The following NDUFS1 variants were observed in gnomAD, a reference collection of about 807,000 sequenced individuals.
NDUFS1 encodes NADH:ubiquinone oxidoreductase core subunit S1.
NDUFS1 carries 61 observed loss-of-function variants against 84.4 expected under a neutral mutation model. That is an observed-to-expected ratio of 0.72 (90% CI 0.59 to 0.89). The LOEUF (loss-of-function observed/expected upper bound fraction) is 0.89, where lower values mean the gene tolerates loss of function less well. NDUFS1 is among the 40% of genes least tolerant of loss of function. The pLI, the probability that NDUFS1 is intolerant of heterozygous loss-of-function variation, is 0.00. For synonymous variants in NDUFS1, 275 were observed against 290.0 expected (o/e 0.95, Z 0.53); for missense variants, 891 against 890.0 (o/e 1.00, Z -0.01).
chr2:206,159,209 C>T (rs1687809822), intron 1 of NDUFS1, 132 bp downstream of exon 1: 1 of 1,481,856 alleles, frequency 6.7e-7, no homozygotes, highest in African/African-American at 1.4e-5. Flanking sequence ...GCTTCCGAGG[C>T]GGCGGGGCGG....
rs772420316 is a variant in NDUFS1 at position 206,153,690 on chromosome 2, T to C, written c.-4-8A>G. The C allele has an allele frequency of 2.9e-6, 4 of 1,394,310 alleles. No homozygotes were observed. Among genetic ancestry groups the C allele is most frequent in the Non-Finnish European group, 4.0e-6 (4 of 994,164 alleles). The allele number at this position is 1,394,310 out of a possible 1,614,324, so 86.4% of individuals were successfully genotyped here. A position where few individuals can be genotyped will look rare whatever the true frequency, so the allele number is the denominator to read the frequency against. On this transcript the variant is annotated splice_polypyrimidine_tract_variant and splice_region_variant and intron_variant, in intron 1 of 18. Transcript: ENST00000233190. ...GGTATCCTTAACATATTGCTAAAAA[T>C]AAAACAAAGAATTATATTATTGTAG...
In NDUFS1 at chr2:206,149,933, T is replaced by C. The variant is rs1382346424; in HGVS notation, c.154-8A>G. 9 of 602,020 alleles carry C rather than the reference T, an allele frequency of 1.5e-5. No homozygotes were observed. Among genetic ancestry groups the C allele is most frequent in the Non-Finnish European group, 2.4e-5 (9 of 378,596 alleles). The allele number at this position is 602,020 out of a possible 1,614,324, so 37.3% of individuals were successfully genotyped here. A position where few individuals can be genotyped will look rare whatever the true frequency, so the allele number is the denominator to read the frequency against. ...GCCAACCTTCTCACAAGCCTAGAAGTAAAAAAAAAAAAAAAAAAAAAAAAA... is the reference window on the plus strand; with the variant it reads ...GCCAACCTTCTCACAAGCCTAGAAGCAAAAAAAAAAAAAAAAAAAAAAAAA... On this transcript the variant is annotated splice_region_variant and splice_polypyrimidine_tract_variant and intron_variant, in intron 3 of 18. Transcript: ENST00000233190.
chr2:206,125,775 C>T (rs1691270506), intron 18 of NDUFS1, among the ~76,000 whole-genome samples: 2 of 151,942 alleles, frequency 1.3e-5, no homozygotes, highest in African/African-American at 4.8e-5. Flanking sequence ...GCCCAGTACC[C>T]AAGACTTATC....
Position 206,158,012 on chromosome 2 carries a change from G to A in NDUFS1, c.-5+1329C>T, listed in dbSNP as rs574028168. Among the ~76,000 whole-genome samples the A allele has an allele frequency of 4.3e-5, 6 of 141,128 alleles. No homozygotes were observed. The East Asian group carries it at 1.0e-3, about 24-fold the overall frequency. 92.6% of individuals were successfully genotyped at this position (141,128 alleles called of 152,430 possible). ...AGAGTCTCGCTCTGTCGCCCAGGCT[G>A]GAGTGCAGCGGAGCGATCTCGGCTC... On this transcript the variant is annotated intron_variant, in intron 1 of 18. Coordinates refer to ENST00000233190, the MANE Select transcript of NDUFS1 (RefSeq NM_005006.7).
chr2:206,132,242 ATCTG>A (rs1691541499), intron 14 of NDUFS1, among the ~76,000 whole-genome samples: 1 of 152,172 alleles, frequency 6.6e-6, no homozygotes, highest in Non-Finnish European at 1.5e-5. Context: ...TTCTGCACAT[ATCTG>A]TCTCTTTTCA....
In NDUFS1 at chr2:206,144,031, C is replaced by T. The variant is rs773632832; in HGVS notation, c.974G>A (p.Arg325His). ...TYTSWEDALSRVAGMLQSFQG... is the reference protein window; with the variant it reads ...TYTSWEDALSHVAGMLQSFQG... ...TTCAAATTTTACCATTCCAGCTACG[C>T]GAGAGAGCGCATCCTCCCAAGAAGT... Residue 325 changes from arginine (R) to histidine (H), a missense_variant, in exon 10 of 19, where the codon CGC (arginine) becomes CAC (histidine). Physicochemically the swap from Arg to His is conservative, Grantham distance 29 (BLOSUM62 0). Coordinates refer to ENST00000233190, the MANE Select transcript of NDUFS1 (RefSeq NM_005006.7). The T allele has an allele frequency of 2.7e-5, 43 of 1,609,748 alleles. No individual in the cohort carries two copies. The highest frequency in any genetic ancestry group is 3.3e-5 in the Admixed American group (2 of 59,996).
intron 7 of NDUFS1, 124 bp from the exon 8 acceptor site, chr2:206,147,212 G>T: frequency 1.0e-6 from 1 of 978,614 alleles, no homozygotes; most frequent in Non-Finnish European, 1.6e-6. Context: ...TTAAAGGTGA[G>T]CACAGTCCTA....
chr2:206,157,811 T>C (rs917664247), intron 1 of NDUFS1, among the ~76,000 whole-genome samples: 7 of 152,152 alleles, frequency 4.6e-5, no homozygotes, highest in Non-Finnish European at 8.8e-5. Context: ...TGTTAATGAC[T>C]AATCATTTCT....
chr2:206,150,032 T>TCTAC (rs1450721220), intron 3 of NDUFS1, 107 bp from the exon 4 acceptor site: 3 of 704,704 alleles, frequency 4.3e-6, no homozygotes, highest in Non-Finnish European at 7.4e-6. Context: ...CTTCTATCTA[T>TCTAC]CTATCTATCT....
chr2:206,122,173 C>T lies in NDUFS1; in HGVS notation c.*2012G>A, dbSNP rs1404566240. 1.3e-5 allele frequency: 2 copies of T among 152,066 alleles called. No homozygotes were observed. Among genetic ancestry groups the T allele is most frequent in the East Asian group, 1.9e-4 (1 of 5,136 alleles). 9.4% of individuals were successfully genotyped at this position (152,066 alleles called of 1,614,324 possible). A position where few individuals can be genotyped will look rare whatever the true frequency, so the allele number is the denominator to read the frequency against. On this transcript the variant is annotated 3_prime_UTR_variant, in exon 19 of 19. Coordinates refer to ENST00000233190, the MANE Select transcript of NDUFS1 (RefSeq NM_005006.7). ...ATTTTTTTGTACAAATAGGATCTTG[C>T]TATGCAGTCCAGGCTGGTCTTGAAC... is the stretch of plus-strand genomic sequence containing the variant.
chr2:206,137,071 T>A (rs1279369640), intron 13 of NDUFS1, among the ~76,000 whole-genome samples: 11 of 152,168 alleles, frequency 7.2e-5, no homozygotes, highest in Non-Finnish European at 1.6e-4. Context: ...AGTTTTTTAA[T>A]CACCTCCACC....
In NDUFS1 at chr2:206,122,385, T is replaced by G. The variant is rs186220792; in HGVS notation, c.*1800A>C. ...GGCTCACGCCTGTAATCCCAGCACT[T>G]TGGGAGGCCAAGGCAGGTAGATCAC... On this transcript the variant is annotated 3_prime_UTR_variant, in exon 19 of 19. Transcript: ENST00000233190. The G allele has an allele frequency of 1.3e-5, 2 of 151,838 alleles. No homozygotes were observed. Among genetic ancestry groups the G allele is most frequent in the African/African-American group, 2.4e-5 (1 of 41,416 alleles). 9.4% of individuals were successfully genotyped at this position (151,838 alleles called of 1,614,324 possible).
Position 206,138,574 on chromosome 2 carries a change from G to T in NDUFS1, c.1303C>A (p.Pro435Thr), listed in dbSNP as rs758964089. 6.2e-7 allele frequency: 1 copy of T among 1,613,938 alleles called. No individual in the cohort carries two copies. Among genetic ancestry groups the T allele is most frequent in the Non-Finnish European group, 8.5e-7 (1 of 1,179,862 alleles). ...NDLKVALIGS[P>T]VDLTYTYDHL... ...TCATATGTGTAAGTGAGGTCCACTG[G>T]ACTGCCTATAAGGGCCACTTTTAAG... is the stretch of plus-strand genomic sequence containing the variant. Residue 435 changes from proline to threonine, a missense_variant, in exon 13 of 19, where the codon CCA becomes ACA. Physicochemically the swap from Pro to Thr is conservative, Grantham distance 38. Coordinates refer to ENST00000233190, the MANE Select transcript of NDUFS1 (RefSeq NM_005006.7).
At chr2:206,133,449 T>C (rs1281486696) in intron 13 of NDUFS1, among the ~76,000 whole-genome samples, 2 of 152,214 alleles carry the variant, frequency 1.3e-5, no homozygotes, top group Non-Finnish European at 2.9e-5. Flanking sequence ...AGATGTTAAT[T>C]AAAGAATAGG....
chr2:206,115,005 A>G lies in NDUFS1; in HGVS notation c.*9180T>C, dbSNP rs1208674192. ...AAACATCTGCATGTTTCATTTTATG[A>G]TTATACAAAAAAATTTTTCAGCAGT... On this transcript the variant is annotated 3_prime_UTR_variant, in exon 19 of 19. Coordinates refer to ENST00000233190, the MANE Select transcript of NDUFS1 (RefSeq NM_005006.7). The G allele has an allele frequency of 6.6e-6, 1 of 152,218 alleles. No homozygotes were observed. The highest frequency in any genetic ancestry group is 1.5e-5 in the Non-Finnish European group (1 of 68,032). The allele number at this position is 152,218 out of a possible 1,614,324, so 9.4% of individuals were successfully genotyped here.
At chr2:206,141,392 T>C (rs1031372177) in intron 12 of NDUFS1, among the ~76,000 whole-genome samples, 9 of 150,158 alleles carry the variant, frequency 6.0e-5, no homozygotes, top group African/African-American at 1.7e-4. Flanking sequence ...ATAAGCTGGG[T>C]GCAGGGGCGG....
At chr2:206,142,510 T>C (rs1286397939) in intron 11 of NDUFS1, among the ~76,000 whole-genome samples, 176 bp downstream of exon 11, 1 of 152,222 alleles carries the variant, frequency 6.6e-6, no homozygotes, top group African/African-American at 2.4e-5. Flanking sequence ...CCACTGTGCC[T>C]GAGATACTTA....
chr2:206,148,111 G>C (rs1396275091), intron 5 of NDUFS1, among the ~76,000 whole-genome samples: 1 of 151,992 alleles, frequency 6.6e-6, no homozygotes, highest in Non-Finnish European at 1.5e-5. Context: ...TTTTAGTAGA[G>C]GCAGGGTTTC....
rs1293310975 is a variant in NDUFS1, at chr2:206,119,096, A to G, written c.*5089T>C. On this transcript the variant is annotated 3_prime_UTR_variant, in exon 19 of 19. Transcript: ENST00000233190. Reference sequence around the variant, plus strand: ...AGTGAGACTCAATCTAAGATAAAACAAAGAAACAAAAAGGAATGCACTTCT... The same window carrying G: ...AGTGAGACTCAATCTAAGATAAAACGAAGAAACAAAAAGGAATGCACTTCT... The G allele has an allele frequency of 6.6e-6, 1 of 152,248 alleles. No homozygotes were observed. The highest frequency in any genetic ancestry group is 1.5e-5 in the Non-Finnish European group (1 of 68,044). The allele number at this position is 152,248 out of a possible 1,614,324, so 9.4% of individuals were successfully genotyped here.
Sources: allele counts gnomAD v4.1 joint callset (sites outside exome capture counted in the v4.1 genomes callset), GRCh38; gene constraint gnomAD v4.1.1; transcripts MANE v1.5; gene names NCBI Gene and HGNC (gene_info 2026-07-23, HGNC 2026-07-21).